UBE2K: variants seen among roughly 807,000 people sequenced by gnomAD.
UBE2K encodes the protein ubiquitin-conjugating enzyme E2 K.
In UBE2K, 6 loss-of-function variants were observed where a neutral mutation model predicts 30.0. That is an observed-to-expected ratio of 0.20 (90% CI 0.11 to 0.39). The LOEUF is 0.39. UBE2K is among the 10% of genes least tolerant of loss of function. The pLI is 1.00. For synonymous variants in UBE2K, 86 were observed against 83.7 expected, an observed-to-expected ratio of 1.03 and a Z score of -0.15; for missense variants, 61 against 241.6, an observed-to-expected ratio of 0.25 and a Z score of 4.96.
At chr4:39,748,005 T>C (rs1465173065) in intron 3 of UBE2K, among the ~76,000 whole-genome samples, 3 of 152,100 alleles carry the variant, frequency 2.0e-5, no homozygotes, top group African/African-American at 7.2e-5. Context: ...TTTCACCATG[T>C]TGGCCAGGCT....
At chr4:39,764,005 T>G (rs987279768) in intron 4 of UBE2K, among the ~76,000 whole-genome samples, 1 of 152,248 alleles carries the variant, frequency 6.6e-6, no homozygotes, top group Non-Finnish European at 1.5e-5. Flanking sequence ...GTGCTGAGAC[T>G]GCAGGCGTGA....
In UBE2K at chr4:39,779,264, A is replaced by G. The variant is rs935668704; in HGVS notation, c.*830A>G. On this transcript the variant is annotated 3_prime_UTR_variant, in exon 7 of 7. Coordinates refer to ENST00000261427, the MANE Select transcript of UBE2K (RefSeq NM_005339.5). ...TATTTCTCTTGCAAAAATAGTAAAT[A>G]CTTGATGTTACATTATTCCCAGGTT... 1.3e-5 allele frequency: 2 copies of G among 152,132 alleles called. No individual in the cohort carries two copies. Among genetic ancestry groups the G allele is most frequent in the African/African-American group, 4.8e-5 (2 of 41,434 alleles). 9.4% of individuals were successfully genotyped at this position (152,132 alleles called of 1,614,324 possible).
In UBE2K at chr4:39,781,788, A is replaced by G. The variant is rs1451533692; in HGVS notation, c.*3354A>G. 2.5e-6 allele frequency: 1 copy of G among 395,814 alleles called. No individual in the cohort carries two copies. Among genetic ancestry groups the G allele is most frequent in the Non-Finnish European group, 4.5e-6 (1 of 224,514 alleles). 24.5% of individuals were successfully genotyped at this position (395,814 alleles called of 1,614,324 possible). A position where few individuals can be genotyped will look rare whatever the true frequency, so the allele number is the denominator to read the frequency against. ...ACTTCTACAAAATGTTGTATTAATC[A>G]CTTTTTCTAGTTCAAGGAATTTCAA... On this transcript the variant is annotated 3_prime_UTR_variant, in exon 7 of 7. Coordinates refer to ENST00000261427, the MANE Select transcript of UBE2K (RefSeq NM_005339.5).
intron 1 of UBE2K, among the ~76,000 whole-genome samples, chr4:39,705,296 C>T (rs1311164128): frequency 6.7e-6 from 1 of 148,774 alleles, no homozygotes; most frequent in East Asian, 2.0e-4. Context: ...CTCCCGGGTT[C>T]AAGCGACTCT....
chr4:39,718,514 C>T (rs1417953909), intron 1 of UBE2K, among the ~76,000 whole-genome samples: 1 of 152,248 alleles, frequency 6.6e-6, no homozygotes, highest in African/African-American at 2.4e-5. Context: ...CATGCGCCTG[C>T]ACTCCTCAGC....
chr4:39,730,937 G>T (rs1223771373), intron 1 of UBE2K, among the ~76,000 whole-genome samples: 1 of 149,902 alleles, frequency 6.7e-6, no homozygotes, highest in African/African-American at 2.4e-5. Context: ...AGAATTTCAA[G>T]TAGCTGGGAT....
chr4:39,707,356 G>T (rs1376576079), intron 1 of UBE2K, among the ~76,000 whole-genome samples: 1 of 151,762 alleles, frequency 6.6e-6, no homozygotes, highest in Non-Finnish European at 1.5e-5. Flanking sequence ...ACAGGCGCAT[G>T]CCACCATACC....
At chr4:39,725,868 CCTGGGCTCAAGCAGT>C (rs1376402253) in intron 1 of UBE2K, among the ~76,000 whole-genome samples, 1 of 152,142 alleles carries the variant, frequency 6.6e-6, no homozygotes, top group Non-Finnish European at 1.5e-5. Context: ...GTCTTGAACT[CCTGGGCTCAAGCAGT>C]CTGTCCACCT....
intron 1 of UBE2K, among the ~76,000 whole-genome samples, chr4:39,727,366 T>G (rs984619828): frequency 2.0e-5 from 3 of 152,114 alleles, no homozygotes; most frequent in African/African-American, 7.2e-5. Context: ...AGGTTTCTTA[T>G]GGGGGGAGCG....
chr4:39,764,025 C>T (rs1420415876), intron 4 of UBE2K, among the ~76,000 whole-genome samples: 1 of 152,198 alleles, frequency 6.6e-6, no homozygotes, highest in Admixed American at 6.5e-5. Flanking sequence ...AGCCATCGTG[C>T]CTGACCTCAA....
At chr4:39,754,533 G>A (rs1019686001) in intron 3 of UBE2K, among the ~76,000 whole-genome samples, 4 of 152,058 alleles carry the variant, frequency 2.6e-5, no homozygotes, top group African/African-American at 9.7e-5. Flanking sequence ...TTTTTTTCCA[G>A]TTGGTCGTGT....
chr4:39,703,289 C>G (rs1718139626), intron 1 of UBE2K, among the ~76,000 whole-genome samples: 2 of 151,810 alleles, frequency 1.3e-5, no homozygotes, highest in South Asian at 2.1e-4. Context: ...GAGGCTGAGA[C>G]TCGATTGAGG....
intron 4 of UBE2K, among the ~76,000 whole-genome samples, chr4:39,772,472 G>A (rs1405234000): frequency 1.3e-5 from 2 of 151,550 alleles, no homozygotes; most frequent in Non-Finnish European, 2.9e-5. Context: ...CTACTCAGGA[G>A]GCTGAGGTAT....
chr4:39,744,995 A>G (rs924741323), intron 2 of UBE2K, among the ~76,000 whole-genome samples: 1 of 151,600 alleles, frequency 6.6e-6, no homozygotes, highest in African/African-American at 2.4e-5. Flanking sequence ...CTCTTGTTGA[A>G]TTTTGCTTAA....
intron 4 of UBE2K, among the ~76,000 whole-genome samples, chr4:39,765,954 C>A (rs970977149): frequency 2.4e-4 from 37 of 151,676 alleles, no homozygotes; most frequent in Non-Finnish European, 3.2e-4. Context: ...CACACACATA[C>A]ACATACACAT....
intron 1 of UBE2K, among the ~76,000 whole-genome samples, chr4:39,709,595 G>A (rs1347130650): frequency 2.0e-5 from 3 of 152,010 alleles, no homozygotes; most frequent in Non-Finnish European, 2.9e-5. Flanking sequence ...TTTATGATAT[G>A]TATGTACGTA....
chr4:39,740,555 A>G (rs183572846), intron 2 of UBE2K, among the ~76,000 whole-genome samples: 1,673 of 150,990 alleles, frequency 0.011, 39 homozygotes, highest in African/African-American at 0.038. Context: ...AGAAAAAAAA[A>G]AAGATACATT....
At position 39,699,093 on chromosome 4, in the gene UBE2K, A is replaced by G. The variant is rs369857946; in HGVS notation, c.63+703A>G. Among the ~76,000 whole-genome samples, 46 of 152,316 alleles carry G rather than the reference A, an allele frequency of 3.0e-4. 1 individual carries two copies. The South Asian group carries it at 8.9e-3, about 29-fold the overall frequency. ...AAATTCCTAGGCCTCATCTTTATTGACATCTCAATCTTTTGAGTGGGCAAA... is the reference window on the plus strand; with the variant it reads ...AAATTCCTAGGCCTCATCTTTATTGGCATCTCAATCTTTTGAGTGGGCAAA... On this transcript the variant is annotated intron_variant, in intron 1 of 6. Transcript: ENST00000261427.
At chr4:39,732,669 C>T (rs981596932) in intron 1 of UBE2K, among the ~76,000 whole-genome samples, 27 of 132,968 alleles carry the variant, frequency 2.0e-4, no homozygotes, top group Admixed American at 3.0e-4. Context: ...TAGCTTCTTC[C>T]CTCTTTTTTT....
Sources: gnomAD v4.1 joint callset for allele counts (sites outside exome capture counted in the v4.1 genomes callset) on GRCh38, gnomAD v4.1.1 for gene constraint, MANE v1.5 for transcripts, NCBI Gene and HGNC (gene_info 2026-07-23, HGNC 2026-07-21) for gene names.